Variants in COL19A1 observed in about 807,000 individuals in gnomAD.
COL19A1 encodes the protein collagen type XIX alpha 1 chain.
COL19A1 carries 159 observed loss-of-function variants against 190.2 expected under a neutral mutation model. The observed-to-expected ratio is 0.84, with a 90% CI of 0.73 to 0.95. The LOEUF is 0.95. COL19A1 is among the 40% of genes least tolerant of loss of function. The probability of loss-of-function intolerance (pLI) is 0.00; values close to 1 mark genes in which losing one functional copy is unlikely to be tolerated. For missense variants in COL19A1, 1,418 were observed against 1,431.9 expected, an observed-to-expected ratio of 0.99 and a Z score of 0.16; for synonymous variants, 509 against 458.9, an observed-to-expected ratio of 1.11 and a Z score of -1.39.
intron 12 of COL19A1, among the ~76,000 whole-genome samples, chr6:70,031,135 C>T (rs866862857): frequency 6.6e-6 from 1 of 152,212 alleles, no homozygotes; most frequent in East Asian, 1.9e-4. Context: ...TGACTTAACC[C>T]CCTACTCCTT....
chr6:70,045,696 A>G (rs1779873963), intron 14 of COL19A1, among the ~76,000 whole-genome samples: 1 of 152,208 alleles, frequency 6.6e-6, no homozygotes, highest in South Asian at 2.1e-4. Flanking sequence ...GCTTATACGC[A>G]GAATTTTGGA....
At chr6:69,952,315 A>T (rs1774171817) in intron 9 of COL19A1, among the ~76,000 whole-genome samples, 1 of 151,822 alleles carries the variant, frequency 6.6e-6, no homozygotes, top group Non-Finnish European at 1.5e-5. Context: ...GGAGATTCTT[A>T]ATCTACCCTG....
intron 11 of COL19A1, among the ~76,000 whole-genome samples, chr6:69,969,634 A>C (rs1254049840): frequency 6.6e-6 from 1 of 152,232 alleles, no homozygotes; most frequent in African/African-American, 2.4e-5. Flanking sequence ...ACATTGTGTT[A>C]GGTATTATAA....
At chr6:70,006,120 G>A (rs1156300434) in intron 11 of COL19A1, among the ~76,000 whole-genome samples, 1 of 152,166 alleles carries the variant, frequency 6.6e-6, no homozygotes, top group Non-Finnish European at 1.5e-5. Context: ...CCCAGTGCTG[G>A]CTGCTACCCC....
At chr6:70,072,156 A>T (rs912572473) in intron 15 of COL19A1, among the ~76,000 whole-genome samples, 4 of 152,166 alleles carry the variant, frequency 2.6e-5, no homozygotes, top group African/African-American at 9.7e-5. Context: ...AATGAGAAAC[A>T]TTGCAAAAGA....
chr6:70,067,574 A>C (rs1781316929), intron 14 of COL19A1, among the ~76,000 whole-genome samples: 1 of 152,084 alleles, frequency 6.6e-6, no homozygotes, highest in Non-Finnish European at 1.5e-5. Flanking sequence ...TGCAGCTCAG[A>C]GATAAACTGG....
Position 70,102,039 on chromosome 6 carries a change from A to G in COL19A1, c.1225-130A>G, listed in dbSNP as rs1171954754. 27 of 791,590 alleles carry G rather than the reference A, an allele frequency of 3.4e-5. No homozygotes were observed. In the East Asian group the frequency reaches 7.1e-4, roughly 21 times the overall value. The allele number at this position is 791,590 out of a possible 1,614,324, so 49.0% of individuals were successfully genotyped here. A position where few individuals can be genotyped will look rare whatever the true frequency, so the allele number is the denominator to read the frequency against. The stretch of plus-strand genomic sequence containing the variant: ...CTTTTAAAATTGATATTTAAAAGTC[A>G]TGTGGAATTGGAATTGTTTCTTAAC... On this transcript the variant is annotated intron_variant, in intron 15 of 50. Transcript: ENST00000620364.
chr6:70,032,680 A>C (rs1409799965), intron 12 of COL19A1, among the ~76,000 whole-genome samples: 1 of 152,122 alleles, frequency 6.6e-6, no homozygotes, highest in Non-Finnish European at 1.5e-5. Flanking sequence ...AGTGTTTTAT[A>C]TTCATAATAC....
intron 4 of COL19A1, among the ~76,000 whole-genome samples, chr6:69,903,613 A>G (rs1406037520): frequency 6.6e-6 from 1 of 152,176 alleles, no homozygotes; most frequent in East Asian, 1.9e-4. Flanking sequence ...AAATGCACCC[A>G]TCCTGCTATT....
intron 15 of COL19A1, among the ~76,000 whole-genome samples, chr6:70,097,873 C>G (rs1783381279): frequency 6.6e-6 from 1 of 152,146 alleles, no homozygotes; most frequent in Admixed American, 6.6e-5. Context: ...AAATGGCCAC[C>G]TGAGAATAGC....
At chr6:70,169,550 G>A (rs1345554763) in intron 40 of COL19A1, among the ~76,000 whole-genome samples, 1 of 152,038 alleles carries the variant, frequency 6.6e-6, no homozygotes, top group Non-Finnish European at 1.5e-5. Flanking sequence ...ATGTTTTTAT[G>A]TCTAAAAACA....
At chr6:70,181,070 T>A (rs542982585) in intron 44 of COL19A1, among the ~76,000 whole-genome samples, 6 of 152,330 alleles carry the variant, frequency 3.9e-5, no homozygotes, top group Admixed American at 2.6e-4. Flanking sequence ...CAGTTCCACA[T>A]AAATTCATCT....
At chr6:70,164,279 T>A (rs1787994072) in intron 36 of COL19A1, among the ~76,000 whole-genome samples, 1 of 152,072 alleles carries the variant, frequency 6.6e-6, no homozygotes, top group African/African-American at 2.4e-5. Context: ...CCATTTAAGA[T>A]CTAAACTGGC....
At chr6:70,202,050 G>A (rs1318456870) in intron 49 of COL19A1, among the ~76,000 whole-genome samples, 3 of 152,136 alleles carry the variant, frequency 2.0e-5, no homozygotes, top group Admixed American at 2.0e-4. Flanking sequence ...AATCACCAGT[G>A]ACCACGCAAA....
At chr6:69,944,669 G>A (rs1445668883) in intron 9 of COL19A1, among the ~76,000 whole-genome samples, 4 of 151,876 alleles carry the variant, frequency 2.6e-5, no homozygotes, top group Non-Finnish European at 5.9e-5. Flanking sequence ...AACTTAATAT[G>A]TATTTTTATT....
chr6:70,161,815 G>A (rs2150259664), intron 34 of COL19A1, 85 bp from the exon 35 acceptor site: 2 of 1,022,800 alleles, frequency 2.0e-6, no homozygotes, highest in African/African-American at 1.6e-5. Context: ...AGTGTTTAAT[G>A]TTCAATGGTC....
chr6:69,876,921 G>T (rs1341196127), intron 1 of COL19A1, among the ~76,000 whole-genome samples: 1 of 152,178 alleles, frequency 6.6e-6, no homozygotes, highest in Non-Finnish European at 1.5e-5. Flanking sequence ...TTGATATTTA[G>T]AATGACACAT....
intron 9 of COL19A1, among the ~76,000 whole-genome samples, chr6:69,959,469 CA>C: frequency 6.6e-6 from 1 of 152,208 alleles, no homozygotes; most frequent in South Asian, 2.1e-4. Context: ...TTTCCAAAGA[CA>C]GTGTAGGAAG....
chr6:69,953,413 G>T (rs1774233425), intron 9 of COL19A1, among the ~76,000 whole-genome samples: 1 of 151,950 alleles, frequency 6.6e-6, no homozygotes, highest in African/African-American at 2.4e-5. Flanking sequence ...CTTGTTAAAG[G>T]TAGGAGAATA....
Sources: allele counts gnomAD v4.1 joint callset (sites outside exome capture counted in the v4.1 genomes callset), GRCh38; gene constraint gnomAD v4.1.1; transcripts MANE v1.5; gene names NCBI Gene and HGNC (gene_info 2026-07-23, HGNC 2026-07-21).